Variants in CNTN5 observed in about 807,000 individuals in gnomAD.
CNTN5 encodes the protein contactin 5, also known as contactin-5.
A neutral mutation model predicts 129.1 loss-of-function variants in CNTN5; 77 were observed. The observed-to-expected ratio is 0.60, with a 90% CI of 0.50 to 0.72. The LOEUF is 0.72. CNTN5 is among the 30% of genes least tolerant of loss of function. CNTN5 has a pLI of 0.00. For synonymous variants in CNTN5, 509 were observed against 465.6 expected (o/e 1.09, Z -1.20); for missense variants, 1,478 against 1,328.8 (o/e 1.11, Z -1.75).
chr11:99,923,776 T>TATCTATCTATCTATCTATCA (rs2136044856), intron 7 of CNTN5, among the ~76,000 whole-genome samples: 2 of 151,886 alleles, frequency 1.3e-5, no homozygotes, highest in South Asian at 4.2e-4. Context: ...TCTATCTATC[T>TATCTATCTATCTATCTATCA]ATCTATCTAT....
In CNTN5 at chr11:100,048,078, T is replaced by C. The variant is rs371477840; in HGVS notation, c.981-13134T>C. Among the ~76,000 whole-genome samples, 15 of 151,924 alleles carry C rather than the reference T, an allele frequency of 9.9e-5. No homozygotes were observed. The East Asian group carries it at 1.8e-3, about 18-fold the overall frequency. Reference sequence around the variant, plus strand: ...TCCCGAGGGCGGAGCTTGCAGTGAGTCGAGATCGCGCCACTGTACTCCAGC... The same window carrying C: ...TCCCGAGGGCGGAGCTTGCAGTGAGCCGAGATCGCGCCACTGTACTCCAGC... On this transcript the variant is annotated intron_variant, in intron 9 of 24. Transcript: ENST00000524871.
At chr11:99,181,139 T>A (rs1411052864) in intron 1 of CNTN5, among the ~76,000 whole-genome samples, 1 of 152,112 alleles carries the variant, frequency 6.6e-6, no homozygotes, top group Non-Finnish European at 1.5e-5. Context: ...TAATCAGTGA[T>A]GTTTGTAAGC....
chr11:100,270,166 G>A lies in CNTN5; in HGVS notation c.2165-926G>A, dbSNP rs927989363. Among the ~76,000 whole-genome samples the A allele has an allele frequency of 4.6e-5, 7 of 152,136 alleles. No individual in the cohort carries two copies. The East Asian group carries it at 1.3e-3, about 29-fold the overall frequency. ...GGGCAGCTCACACTGCCTATGCTCT[G>A]AGCATTCACCTTTCACAGAGCTACT... On this transcript the variant is annotated intron_variant, in intron 17 of 24. Coordinates refer to ENST00000524871, the MANE Select transcript of CNTN5 (RefSeq NM_014361.4).
At chr11:100,057,777 T>C (rs575015650) in intron 9 of CNTN5, among the ~76,000 whole-genome samples, 2 of 152,064 alleles carry the variant, frequency 1.3e-5, no homozygotes, top group South Asian at 4.1e-4. Context: ...GTTATTTCTG[T>C]GGGGGAAAAT....
chr11:99,432,449 T>TCTTTTCTTTC lies in CNTN5; in HGVS notation c.-71+106974_-71+106975insCCTTTTCTTT, dbSNP rs1287506038. 4.7e-3 allele frequency among the ~76,000 whole-genome samples: 554 copies of TCTTTTCTTTC among 118,098 alleles called. 1 individual carries two copies. The highest frequency in any genetic ancestry group is 8.3e-3 in the Non-Finnish European group (448 of 54,126). 77.5% of individuals were successfully genotyped at this position (118,098 alleles called of 152,430 possible). A position where few individuals can be genotyped will look rare whatever the true frequency, so the allele number is the denominator to read the frequency against. On this transcript the variant is annotated intron_variant, in intron 2 of 24. Transcript: ENST00000524871. ...CTTTTCCTTTTCTTTCCTTTTCTTT[T>TCTTTTCTTTC]CTTTTCTTTTCTTTCCTTTTCTTTT...
intron 1 of CNTN5, among the ~76,000 whole-genome samples, chr11:99,130,338 A>G (rs374794177): frequency 6.6e-6 from 1 of 152,218 alleles, no homozygotes; most frequent in South Asian, 2.1e-4. Flanking sequence ...AATAGACTTT[A>G]AACCAACAAA....
intron 1 of CNTN5, among the ~76,000 whole-genome samples, chr11:99,163,487 TTAAC>T (rs1485016508): frequency 6.6e-6 from 1 of 152,100 alleles, no homozygotes; most frequent in African/African-American, 2.4e-5. Flanking sequence ...TGTTTTTCAA[TTAAC>T]ACTCAATGAA....
chr11:99,324,473 A>G (rs1269962468), intron 1 of CNTN5, among the ~76,000 whole-genome samples: 2 of 152,226 alleles, frequency 1.3e-5, no homozygotes, highest in Admixed American at 6.5e-5. Context: ...AAGATAGTGT[A>G]AAATTGCTGA....
intron 21 of CNTN5, chr11:100,309,782 G>A (rs1313137077): frequency 7.4e-6 from 6 of 807,046 alleles, no homozygotes; most frequent in Middle Eastern, 6.3e-4. Flanking sequence ...CCTTCTCTAT[G>A]GAGGAGGGAC....
intron 15 of CNTN5, among the ~76,000 whole-genome samples, chr11:100,219,716 T>C (rs2138613870): frequency 6.6e-6 from 1 of 152,334 alleles, no homozygotes; most frequent in African/African-American, 2.4e-5. Flanking sequence ...GAGTCTTCAA[T>C]GTGTTGTTGG....
At chr11:99,391,562 C>T (rs1941261333) in intron 2 of CNTN5, among the ~76,000 whole-genome samples, 1 of 152,022 alleles carries the variant, frequency 6.6e-6, no homozygotes, top group Non-Finnish European at 1.5e-5. Context: ...TATTCTTTTA[C>T]CTATAGTATT....
At chr11:99,730,132 G>C (rs2135090897) in intron 3 of CNTN5, among the ~76,000 whole-genome samples, 1 of 152,224 alleles carries the variant, frequency 6.6e-6, no homozygotes, top group African/African-American at 2.4e-5. Flanking sequence ...GCACATACCT[G>C]CCATCCAGTA....
chr11:100,082,596 G>T (rs1944406589), intron 13 of CNTN5, among the ~76,000 whole-genome samples: 1 of 152,044 alleles, frequency 6.6e-6, no homozygotes, highest in Non-Finnish European at 1.5e-5. Context: ...CCAGCCCACT[G>T]TGGGCTTTTT....
chr11:99,353,341 A>G (rs890650110), intron 2 of CNTN5, among the ~76,000 whole-genome samples: 7 of 152,210 alleles, frequency 4.6e-5, no homozygotes, highest in African/African-American at 1.7e-4. Flanking sequence ...GTAGACTACA[A>G]AATTTTTTCA....
chr11:99,209,869 C>T (rs1401215127), intron 1 of CNTN5, among the ~76,000 whole-genome samples: 1 of 152,102 alleles, frequency 6.6e-6, no homozygotes, highest in African/African-American at 2.4e-5. Flanking sequence ...TAGTACCATG[C>T]ATCTAAAAAC....
In CNTN5 at chr11:99,643,667, C is replaced by T. The variant is rs147154139; in HGVS notation, c.55+87398C>T. 2.4e-3 allele frequency among the ~76,000 whole-genome samples: 358 copies of T among 152,182 alleles called. 1 individual carries two copies. Among genetic ancestry groups the T allele is most frequent in the Middle Eastern group, 6.8e-3 (2 of 294 alleles). On this transcript the variant is annotated intron_variant, in intron 3 of 24. Coordinates refer to ENST00000524871, the MANE Select transcript of CNTN5 (RefSeq NM_014361.4). Reference sequence around the variant, plus strand: ...ATAGCTACCACTGGCTGGGCTCTTACTGTTATTCCACATATATTCTAAGCA... The same window carrying T: ...ATAGCTACCACTGGCTGGGCTCTTATTGTTATTCCACATATATTCTAAGCA...
chr11:99,843,493 T>G (rs1299810315), intron 4 of CNTN5, among the ~76,000 whole-genome samples: 1 of 152,314 alleles, frequency 6.6e-6, no homozygotes, highest in South Asian at 2.1e-4. Context: ...TTTTATACTT[T>G]TTTTCTGAAT....
intron 2 of CNTN5, among the ~76,000 whole-genome samples, chr11:99,541,975 AAAAAGAAAAG>A (rs1297966105): frequency 1.6e-5 from 2 of 121,368 alleles, no homozygotes; most frequent in South Asian, 5.3e-4. Context: ...AAAAAAAAAA[AAAAAGAAAAG>A]AAAAGAAAGA....
intron 2 of CNTN5, among the ~76,000 whole-genome samples, chr11:99,466,396 T>C (rs192266410): frequency 3.9e-5 from 6 of 152,296 alleles, no homozygotes; most frequent in African/African-American, 7.2e-5. Context: ...TTTATTATTC[T>C]AAAAAATTCA....
Sources: gnomAD v4.1 joint callset for allele counts (sites outside exome capture counted in the v4.1 genomes callset) on GRCh38, gnomAD v4.1.1 for gene constraint, MANE v1.5 for transcripts, NCBI Gene and HGNC (gene_info 2026-07-23, HGNC 2026-07-21) for gene names.